The following NIN variants were observed in gnomAD, a reference collection of about 807,000 sequenced individuals.
NIN encodes ninein.
Under a neutral mutation model 257.6 loss-of-function variants are expected in NIN, and 137 were observed. That is an observed-to-expected ratio of 0.53 (90% CI 0.46 to 0.61). The LOEUF (loss-of-function observed/expected upper bound fraction) is 0.61, where lower values mean the gene tolerates loss of function less well. Among genes scored for constraint, NIN ranks in the 20% least tolerant of loss-of-function variants. The pLI is 0.00. For missense variants in NIN, 2,439 were observed against 2,501.2 expected (o/e 0.98, Z 0.53); for synonymous variants, 918 against 919.8 (o/e 1.00, Z 0.04).
At chr14:50,759,771 G>C in intron 17 of NIN, 86 bp downstream of exon 17, 1 of 1,433,398 alleles carries the variant, frequency 7.0e-7, no homozygotes, top group Non-Finnish European at 9.4e-7. Context: ...TTACAGGCGT[G>C]AGCCACCGCG....
At chr14:50,791,880 G>A (rs1254609724) in intron 5 of NIN, among the ~76,000 whole-genome samples, 1 of 151,464 alleles carries the variant, frequency 6.6e-6, no homozygotes, top group Non-Finnish European at 1.5e-5. Flanking sequence ...AGAAAGTTGA[G>A]GCGCTTTGTT....
intron 3 of NIN, among the ~76,000 whole-genome samples, chr14:50,809,284 A>T (rs2044473786): frequency 6.6e-6 from 1 of 152,162 alleles, no homozygotes; most frequent in African/African-American, 2.4e-5. Flanking sequence ...CATGAGAGTG[A>T]CCAAGATAGC....
Position 50,729,508 on chromosome 14 carries a change from G to C in NIN, c.6078+15C>G. 6.2e-7 allele frequency: 1 copy of C among 1,608,818 alleles called. No individual in the cohort carries two copies. On this transcript the variant is annotated intron_variant, in intron 29 of 30. Transcript: ENST00000530997. ...AATTAACAGGTGATCTACTAGAGTA[G>C]AGAGAGCTTCATACCTGTGGTGTGT...
rs527420330 is a variant in NIN, at chr14:50,776,832, G to A, written c.666+117C>T. On this transcript the variant is annotated intron_variant, in intron 7 of 30. Coordinates refer to ENST00000530997, the MANE Select transcript of NIN (RefSeq NM_020921.4). ...AGAATCTTCATGAATGACTTCTTAG[G>A]AAAAAAGAAAATGGAGCCTAACAAG... is the stretch of plus-strand genomic sequence containing the variant. The A allele has an allele frequency of 2.0e-5, 19 of 948,972 alleles. No individual in the cohort carries two copies. The South Asian group carries it at 3.4e-4, about 17-fold the overall frequency. The allele number at this position is 948,972 out of a possible 1,614,324, so 58.8% of individuals were successfully genotyped here.
chr14:50,831,056 G>A lies in NIN; in HGVS notation c.-126C>T, dbSNP rs950291025. Reference sequence around the variant, plus strand: ...CGCCGCCGCGGGAACCATGGCCGCTGGCGCACTCCGGGCTTGGCGGCGGCA... The same window carrying A: ...CGCCGCCGCGGGAACCATGGCCGCTAGCGCACTCCGGGCTTGGCGGCGGCA... On this transcript the variant is annotated 5_prime_UTR_variant, in exon 1 of 31. Transcript: ENST00000530997. 2 of 150,444 alleles carry A rather than the reference G, an allele frequency of 1.3e-5. No individual in the cohort carries two copies. The highest frequency in any genetic ancestry group is 3.0e-5 in the Non-Finnish European group (2 of 67,532). 9.3% of individuals were successfully genotyped at this position (150,444 alleles called of 1,614,324 possible).
rs989885536 is a variant in NIN at position 50,822,569 on chromosome 14, C to T, written c.-21-492G>A. 2.3e-4 allele frequency among the ~76,000 whole-genome samples: 35 copies of T among 152,204 alleles called. 1 individual carries two copies. Among genetic ancestry groups the T allele is most frequent in the Admixed American group, 2.2e-3 (33 of 15,280 alleles). On this transcript the variant is annotated intron_variant, in intron 2 of 30. Transcript: ENST00000530997. The stretch of plus-strand genomic sequence containing the variant: ...CTGGCAAGCTTTAGACAACCTGCCC[C>T]GATGGTGCAATCGGTCAGCGTGGCC...
chr14:50,777,054 C>T lies in NIN; in HGVS notation c.561G>A (p.Leu187=), dbSNP rs1334173979. 5.0e-6 allele frequency: 8 copies of T among 1,614,210 alleles called. No homozygotes were observed. Among genetic ancestry groups the T allele is most frequent in the Non-Finnish European group, 5.9e-6 (7 of 1,180,036 alleles). The change falls in exon 7 of 31, where the codon CTG becomes CTA. Residue 187 remains leucine, a synonymous_variant. Transcript: ENST00000530997. ...TCCCCAAATCTTCACAAACTTCTTGCAGTTTCTCTTCTATCCAGTCTTGGG... is the reference window on the plus strand; with the variant it reads ...TCCCCAAATCTTCACAAACTTCTTGTAGTTTCTCTTCTATCCAGTCTTGGG... The part of the protein sequence containing the change: ...SPPQDWIEEK[L]QEVCEDLGIT...
intron 2 of NIN, among the ~76,000 whole-genome samples, chr14:50,827,770 A>AAG (rs1555396278): frequency 4.6e-5 from 7 of 151,140 alleles, no homozygotes; most frequent in South Asian, 4.2e-4. Context: ...AAAAAAAAAA[A>AAG]AAAGAAAGAA....
rs772314635 is a variant in NIN, at chr14:50,772,404, C to T, written c.878G>A (p.Arg293Gln). 12 of 1,614,040 alleles carry T rather than the reference C, an allele frequency of 7.4e-6. No homozygotes were observed. Among genetic ancestry groups the T allele is most frequent in the East Asian group, 2.2e-5 (1 of 44,898 alleles). Reference protein sequence around the residue: ...SSAMTSTIGFRVFSCLDDGMG... With the variant: ...SSAMTSTIGFQVFSCLDDGMG... ...CCCATCATCCAGGCAGGAGAAGACC[C>T]GAAAGCCAATGGTACTTGTCATTGC... Residue 293 changes from arginine to glutamine, a missense_variant, in exon 9 of 31, where the codon CGG becomes CAG. By Grantham distance (43) the Arg-to-Gln change is conservative. This residue lies in a region of NIN where 387 missense variants were observed against 427.3 expected (regional missense o/e 0.91). Transcript: ENST00000530997.
chr14:50,723,090 A>C lies in NIN; in HGVS notation c.*373T>G. 1 of 235,602 alleles carries C rather than the reference A, an allele frequency of 4.2e-6. No homozygotes were observed. The allele number at this position is 235,602 out of a possible 1,614,324, so 14.6% of individuals were successfully genotyped here. ...AATAAAGTTTATAACAACCATTCTC[A>C]TCAGATCTCAAACTTCAAATATCTA... On this transcript the variant is annotated 3_prime_UTR_variant, in exon 31 of 31. Transcript: ENST00000530997.
rs754839212 is a variant in NIN at position 50,743,411 on chromosome 14, T to C, written c.5301+5A>G. On this transcript the variant is annotated splice_donor_5th_base_variant and intron_variant, in intron 24 of 30. Coordinates refer to ENST00000530997, the MANE Select transcript of NIN (RefSeq NM_020921.4). ...GTGAAGATGAAACAAGAATTGTCCA[T>C]GTACCTTTTCCTGAGAAGCCACCAG... The C allele has an allele frequency of 1.3e-6, 2 of 1,563,914 alleles. No homozygotes were observed. Among genetic ancestry groups the C allele is most frequent in the South Asian group, 1.1e-5 (1 of 90,104 alleles).
chr14:50,756,619 T>C lies in NIN; in HGVS notation c.4411A>G (p.Arg1471Gly). 2 of 1,571,090 alleles carry C rather than the reference T, an allele frequency of 1.3e-6. No individual in the cohort carries two copies. The highest frequency in any genetic ancestry group is 1.7e-6 in the Non-Finnish European group (2 of 1,156,058). ...TTTTGCTTAACTAAAATAGTGACTC[T>C]CTCCTTCAACTTCCTAGTCAGCTCC... ...LQELTRKLKE[R>G]VTILVKQKDV... The change falls in exon 18 of 31, where the codon AGA (arginine) becomes GGA (glycine). Residue 1471 changes from arginine (R) to glycine (G), a missense_variant. Arg to Gly is a moderately radical substitution (Grantham distance 125). Coordinates refer to ENST00000530997, the MANE Select transcript of NIN (RefSeq NM_020921.4).
intron 3 of NIN, among the ~76,000 whole-genome samples, chr14:50,812,390 T>C (rs4901059): frequency 0.34 from 52,065 of 152,040 alleles, 9,160 homozygotes; most frequent in East Asian, 0.42. Flanking sequence ...GGGAAATCCC[T>C]TGCTGCTGGA....
At chr14:50,779,471 G>A (rs777852984) in intron 5 of NIN, among the ~76,000 whole-genome samples, 1 of 152,192 alleles carries the variant, frequency 6.6e-6, no homozygotes, top group Non-Finnish European at 1.5e-5. Flanking sequence ...TGAAAAGAAG[G>A]GGGCAGGCTG....
intron 4 of NIN, among the ~76,000 whole-genome samples, chr14:50,794,070 A>G (rs1267731919): frequency 6.6e-6 from 1 of 152,238 alleles, no homozygotes; most frequent in Non-Finnish European, 1.5e-5. Flanking sequence ...AGTTGATTAG[A>G]TAAGAACTAA....
intron 4 of NIN, 194 bp downstream of exon 4, chr14:50,806,543 A>G: frequency 2.0e-6 from 1 of 488,642 alleles, no homozygotes; most frequent in East Asian, 3.4e-5. Context: ...CTGCTGTAGT[A>G]GAGAAGTCTC....
At chr14:50,803,448 G>A (rs1566864029) in intron 4 of NIN, among the ~76,000 whole-genome samples, 1 of 152,210 alleles carries the variant, frequency 6.6e-6, no homozygotes, top group Non-Finnish European at 1.5e-5. Flanking sequence ...AGGCATCCCT[G>A]TCCCTAACGA....
intron 2 of NIN, among the ~76,000 whole-genome samples, chr14:50,826,026 T>C (rs3759525): frequency 0.019 from 2,916 of 152,332 alleles, 68 homozygotes; most frequent in East Asian, 0.11. Context: ...ATGTCTTCAA[T>C]AATGGGCATT....
In NIN at chr14:50,822,278, A is replaced by C. The variant is rs144591819; in HGVS notation, c.-21-201T>G. 1.3e-3 allele frequency among the ~76,000 whole-genome samples: 196 copies of C among 152,288 alleles called. 1 individual carries two copies. The highest frequency in any genetic ancestry group is 0.01 in the Middle Eastern group (3 of 294). Reference sequence around the variant, plus strand: ...GCCAGTGACACTCCTGCATGCACTCACATCAGGGGCATATACATAAGCTCA... The same window carrying C: ...GCCAGTGACACTCCTGCATGCACTCCCATCAGGGGCATATACATAAGCTCA... On this transcript the variant is annotated intron_variant, in intron 2 of 30. Coordinates refer to ENST00000530997, the MANE Select transcript of NIN (RefSeq NM_020921.4).
Sources: allele counts gnomAD v4.1 joint callset (sites outside exome capture counted in the v4.1 genomes callset), GRCh38; gene constraint gnomAD v4.1.1; regional missense constraint gnomAD v4.1.1; transcripts MANE v1.5; gene names NCBI Gene and HGNC (gene_info 2026-07-23, HGNC 2026-07-21).